The following WWOX variants were observed in gnomAD, a reference collection of about 807,000 sequenced individuals.
WWOX encodes WW domain-containing oxidoreductase.
Under a neutral mutation model 46.2 loss-of-function variants are expected in WWOX, and 69 were observed. The observed-to-expected ratio is 1.49, with a 90% CI of 1.23 to 1.82. The LOEUF is 1.82. Ranked by LOEUF, WWOX falls within the 40% of genes most tolerant of loss-of-function variation. WWOX has a pLI of 0.00. For missense variants in WWOX, 919 were observed against 542.6 expected (o/e 1.69, Z -6.89); for synonymous variants, 359 against 202.6 (o/e 1.77, Z -6.56).
At chr16:78,793,660 A>T (rs1207379577) in intron 8 of WWOX, among the ~76,000 whole-genome samples, 1 of 152,170 alleles carries the variant, frequency 6.6e-6, no homozygotes, top group Non-Finnish European at 1.5e-5. Flanking sequence ...TTTTTTTCAG[A>T]CTATTCAGCC....
chr16:78,779,249 A>T (rs971023800), intron 8 of WWOX, among the ~76,000 whole-genome samples: 5 of 152,104 alleles, frequency 3.3e-5, no homozygotes, highest in African/African-American at 1.2e-4. Flanking sequence ...GGCTCAAGGG[A>T]TCCTCCCATC....
chr16:78,792,112 C>T (rs2050618223), intron 8 of WWOX, among the ~76,000 whole-genome samples: 2 of 152,138 alleles, frequency 1.3e-5, no homozygotes, highest in African/African-American at 4.8e-5. Flanking sequence ...TTAGTCATTG[C>T]CGCAGGCTTG....
rs541231668 is a variant in WWOX at position 78,790,647 on chromosome 16, C to G, written c.1056+357895C>G. On this transcript the variant is annotated intron_variant, in intron 8 of 8. Coordinates refer to ENST00000566780, the MANE Select transcript of WWOX (RefSeq NM_016373.4). ...ATTTTCTTTCTTTCTTCACCCATGC[C>G]TTGGACATGAAACACAAGTACAAAG... Among the ~76,000 whole-genome samples, 88 of 152,186 alleles carry G rather than the reference C, an allele frequency of 5.8e-4. 2 individuals carry two copies. In the South Asian group the frequency reaches 0.017, roughly 29 times the overall value.
At chr16:78,703,165 T>C (rs974785570) in intron 8 of WWOX, among the ~76,000 whole-genome samples, 58 of 152,072 alleles carry the variant, frequency 3.8e-4, no homozygotes, top group African/African-American at 1.4e-3. Context: ...GTCGTGAGTT[T>C]TTATGATGTT....
intron 8 of WWOX, among the ~76,000 whole-genome samples, chr16:78,883,051 C>T (rs117799336): frequency 1.3e-5 from 2 of 152,248 alleles, no homozygotes; most frequent in African/African-American, 2.4e-5. Flanking sequence ...CAGGAAGCAC[C>T]TTAGCGGTTC....
intron 8 of WWOX, among the ~76,000 whole-genome samples, chr16:78,894,950 G>A (rs2044669494): frequency 6.6e-6 from 1 of 152,180 alleles, no homozygotes; most frequent in East Asian, 1.9e-4. Flanking sequence ...AGTTCCAATG[G>A]ATCCACCCAG....
intron 8 of WWOX, among the ~76,000 whole-genome samples, chr16:79,147,023 A>G (rs188755416): frequency 2.0e-5 from 3 of 152,202 alleles, no homozygotes; most frequent in African/African-American, 4.8e-5. Context: ...TTGCAAAACA[A>G]TTGTGCAATA....
chr16:78,742,476 A>T (rs2049252852), intron 8 of WWOX, among the ~76,000 whole-genome samples: 1 of 152,184 alleles, frequency 6.6e-6, no homozygotes, highest in Non-Finnish European at 1.5e-5. Context: ...GGTTGGAAGT[A>T]TTTATCTACA....
At chr16:79,160,487 G>A (rs1052790830) in intron 8 of WWOX, among the ~76,000 whole-genome samples, 1 of 152,130 alleles carries the variant, frequency 6.6e-6, no homozygotes, top group South Asian at 2.1e-4. Flanking sequence ...AATAAGAGCC[G>A]ATCATAGGAC....
chr16:78,970,450 G>A (rs557767405), intron 8 of WWOX, among the ~76,000 whole-genome samples: 86 of 152,286 alleles, frequency 5.6e-4, no homozygotes, highest in Admixed American at 1.7e-3. Flanking sequence ...GCTCTTGAGC[G>A]ATCACAGTTT....
At chr16:78,138,383 AGTAAAGATGT>A (rs1277125042) in intron 4 of WWOX, among the ~76,000 whole-genome samples, 6 of 137,336 alleles carry the variant, frequency 4.4e-5, no homozygotes, top group African/African-American at 8.1e-5. Context: ...TCAGTTGAGC[AGTAAAGATGT>A]GCTCGTGATG....
At chr16:78,680,191 C>T (rs929586732) in intron 8 of WWOX, among the ~76,000 whole-genome samples, 4 of 152,172 alleles carry the variant, frequency 2.6e-5, no homozygotes, top group South Asian at 2.1e-4. Flanking sequence ...TGGTGGATAG[C>T]TTGAGCCCAG....
intron 8 of WWOX, among the ~76,000 whole-genome samples, chr16:78,582,780 A>AG: frequency 6.6e-6 from 1 of 152,260 alleles, no homozygotes; most frequent in Non-Finnish European, 1.5e-5. Flanking sequence ...TACTTCCATC[A>AG]GGGGTCCTTA....
At chr16:78,848,414 A>G (rs2093847168) in intron 8 of WWOX, among the ~76,000 whole-genome samples, 1 of 152,218 alleles carries the variant, frequency 6.6e-6, no homozygotes. Flanking sequence ...GCACCTCGAG[A>G]AAGAACCACT....
At chr16:79,017,807 A>T (rs960700434) in intron 8 of WWOX, among the ~76,000 whole-genome samples, 12 of 152,138 alleles carry the variant, frequency 7.9e-5, no homozygotes, top group Non-Finnish European at 1.2e-4. Flanking sequence ...ATAACAAATT[A>T]CAGATTATCC....
At chr16:78,400,269 A>G (rs927044374) in intron 6 of WWOX, among the ~76,000 whole-genome samples, 3 of 152,218 alleles carry the variant, frequency 2.0e-5, no homozygotes, top group African/African-American at 4.8e-5. Context: ...CAAGTTATGC[A>G]TAAGGTGACA....
intron 8 of WWOX, among the ~76,000 whole-genome samples, chr16:79,073,258 C>T (rs1037682475): frequency 5.9e-5 from 9 of 151,918 alleles, no homozygotes; most frequent in Middle Eastern, 3.4e-3. Flanking sequence ...CAGCTCACTG[C>T]GACCTCCACC....
At chr16:78,118,565 A>G (rs890839991) in intron 4 of WWOX, among the ~76,000 whole-genome samples, 3 of 152,098 alleles carry the variant, frequency 2.0e-5, no homozygotes, top group Non-Finnish European at 2.9e-5. Flanking sequence ...ATGTTGAACT[A>G]CTGTTTGTGT....
intron 8 of WWOX, among the ~76,000 whole-genome samples, chr16:78,945,135 G>C (rs1436360933): frequency 6.6e-6 from 1 of 152,086 alleles, no homozygotes; most frequent in Non-Finnish European, 1.5e-5. Context: ...AGCCGAGACC[G>C]CACCTCTGGA....
Sources: gnomAD v4.1 joint callset for allele counts (sites outside exome capture counted in the v4.1 genomes callset) on GRCh38, gnomAD v4.1.1 for gene constraint, MANE v1.5 for transcripts, NCBI Gene and HGNC (gene_info 2026-07-23, HGNC 2026-07-21) for gene names.